GRK3: variants seen among roughly 807,000 people sequenced by gnomAD.
GRK3 encodes G protein-coupled receptor kinase 3, also known as adrenergic, beta, receptor kinase 2.
A neutral mutation model predicts 95.7 loss-of-function variants in GRK3; 54 were observed. That is an observed-to-expected ratio of 0.56 (90% CI 0.45 to 0.71). The LOEUF is 0.71. Ranked by LOEUF, GRK3 falls within the 30% of genes least tolerant of loss-of-function variation. The probability of loss-of-function intolerance (pLI) is 0.00; values close to 1 mark genes in which losing one functional copy is unlikely to be tolerated. For missense variants in GRK3, 649 were observed against 851.2 expected (o/e 0.76, Z 2.96); for synonymous variants, 281 against 290.8 (o/e 0.97, Z 0.34).
intron 5 of GRK3, among the ~76,000 whole-genome samples, chr22:25,665,146 T>A (rs2084933628): frequency 2.0e-5 from 3 of 152,096 alleles, no homozygotes; most frequent in African/African-American, 4.8e-5. Context: ...GAAAGGGAGG[T>A]CTTGATTCAG....
At chr22:25,606,740 TGTGTG>T (rs2084452088) in intron 2 of GRK3, among the ~76,000 whole-genome samples, 1 of 152,168 alleles carries the variant, frequency 6.6e-6, no homozygotes, top group South Asian at 2.1e-4. Context: ...TGCCCTCCAA[TGTGTG>T]CTGTAGGCAA....
At chr22:25,621,899 G>A (rs1416987138) in intron 2 of GRK3, among the ~76,000 whole-genome samples, 1 of 152,122 alleles carries the variant, frequency 6.6e-6, no homozygotes. Flanking sequence ...ACAAGGTATG[G>A]GGCCAGTTCT....
intron 2 of GRK3, among the ~76,000 whole-genome samples, chr22:25,616,354 C>T (rs2084538262): frequency 2.6e-5 from 4 of 151,892 alleles, no homozygotes; most frequent in Admixed American, 1.3e-4. Flanking sequence ...GATGCAAGCA[C>T]CTTCTTCACA....
intron 3 of GRK3, among the ~76,000 whole-genome samples, chr22:25,652,608 T>C (rs2084840393): frequency 1.3e-5 from 2 of 152,182 alleles, no homozygotes; most frequent in Non-Finnish European, 2.9e-5. Context: ...AATTTTAGTA[T>C]AAGTAATAAT....
chr22:25,616,569 C>A (rs1373106193), intron 2 of GRK3, among the ~76,000 whole-genome samples: 1 of 152,132 alleles, frequency 6.6e-6, no homozygotes, highest in Admixed American at 6.5e-5. Flanking sequence ...GGGATTTGGG[C>A]ATGGACATAC....
chr22:25,648,549 G>A lies in GRK3; in HGVS notation c.264+3884G>A, dbSNP rs192166764. ...AAAACCAGGTACAATGATGCCAGAA[G>A]CTTTTCTTCAAGAAGCTCAGGTAAT... On this transcript the variant is annotated intron_variant, in intron 3 of 20. Transcript: ENST00000324198. 92 of 1,442,636 alleles carry A rather than the reference G, an allele frequency of 6.4e-5. 1 individual carries two copies. In the East Asian group the frequency reaches 2.1e-3, roughly 32 times the overall value. 89.4% of individuals were successfully genotyped at this position (1,442,636 alleles called of 1,614,324 possible). A position where few individuals can be genotyped will look rare whatever the true frequency, so the allele number is the denominator to read the frequency against.
chr22:25,698,083 A>G (rs2085224429), intron 13 of GRK3, among the ~76,000 whole-genome samples: 1 of 142,170 alleles, frequency 7.0e-6, no homozygotes, highest in South Asian at 2.6e-4. Flanking sequence ...AGAGGGAGGG[A>G]GGAAGGGAGG....
chr22:25,594,391 C>G (rs2084357295), intron 1 of GRK3, among the ~76,000 whole-genome samples: 1 of 152,074 alleles, frequency 6.6e-6, no homozygotes, highest in East Asian at 1.9e-4. Flanking sequence ...CTGGCAAAGA[C>G]ACAGTGAAAA....
intron 4 of GRK3, among the ~76,000 whole-genome samples, chr22:25,663,370 C>T (rs1427411113): frequency 6.6e-6 from 1 of 152,094 alleles, no homozygotes; most frequent in Non-Finnish European, 1.5e-5. Context: ...GATCTTGAAC[C>T]CTTCTGGAAT....
intron 1 of GRK3, among the ~76,000 whole-genome samples, chr22:25,589,227 T>C (rs1443361568): frequency 1.3e-5 from 2 of 152,236 alleles, no homozygotes; most frequent in Admixed American, 1.3e-4. Flanking sequence ...TAATTAAACC[T>C]CAGATAGAAT....
intron 1 of GRK3, among the ~76,000 whole-genome samples, chr22:25,571,304 CTCTGGAAG>C (rs1310103744): frequency 6.6e-6 from 1 of 152,166 alleles, no homozygotes; most frequent in Non-Finnish European, 1.5e-5. Flanking sequence ...GCTATGGGAC[CTCTGGAAG>C]TCACTTAAAT....
chr22:25,607,281 C>T (rs569161192), intron 2 of GRK3, among the ~76,000 whole-genome samples: 27 of 152,034 alleles, frequency 1.8e-4, no homozygotes, highest in African/African-American at 3.4e-4. Context: ...TTATCCCAAA[C>T]GTGAAATTTA....
chr22:25,695,446 C>A (rs1837543617), intron 13 of GRK3, among the ~76,000 whole-genome samples: 1 of 152,144 alleles, frequency 6.6e-6, no homozygotes, highest in South Asian at 2.1e-4. Context: ...ATGTAGGAAT[C>A]AGAATTCTTT....
At chr22:25,624,064 G>T (rs2084608182) in intron 2 of GRK3, among the ~76,000 whole-genome samples, 2 of 152,150 alleles carry the variant, frequency 1.3e-5, no homozygotes, top group African/African-American at 4.8e-5. Flanking sequence ...CCCCACTGCA[G>T]GGTGCAGTCA....
At chr22:25,664,099 TA>T (rs1186084271) in intron 5 of GRK3, among the ~76,000 whole-genome samples, 1 of 152,340 alleles carries the variant, frequency 6.6e-6, no homozygotes, top group African/African-American at 2.4e-5. Context: ...CTAGGGGAAA[TA>T]CAATTTATTT....
At chr22:25,641,750 AG>A (rs68016610) in intron 2 of GRK3, among the ~76,000 whole-genome samples, 9,563 of 152,238 alleles carry the variant, frequency 0.063, 392 homozygotes, top group Non-Finnish European at 0.095. Context: ...AACCCTGAGA[AG>A]GGAATGAGCT....
intron 1 of GRK3, among the ~76,000 whole-genome samples, chr22:25,567,564 C>T (rs902242534): frequency 4.6e-5 from 7 of 152,266 alleles, no homozygotes; most frequent in Non-Finnish European, 8.8e-5. Context: ...AAAAGGGATA[C>T]GGGTCAAATG....
intron 17 of GRK3, among the ~76,000 whole-genome samples, chr22:25,714,057 T>C (rs557542137): frequency 4.6e-5 from 7 of 152,356 alleles, no homozygotes; most frequent in South Asian, 2.1e-4. Context: ...CTTACCATAA[T>C]TGAAATTTTA....
chr22:25,608,730 T>C (rs1314207441), intron 2 of GRK3, among the ~76,000 whole-genome samples: 124 of 152,162 alleles, frequency 8.1e-4, no homozygotes, highest in Middle Eastern at 3.4e-3. Flanking sequence ...GATTCCTACT[T>C]GGAGCCTGTA....
Sources: allele counts gnomAD v4.1 joint callset (sites outside exome capture counted in the v4.1 genomes callset), GRCh38; gene constraint gnomAD v4.1.1; transcripts MANE v1.5; gene names NCBI Gene and HGNC (gene_info 2026-07-23, HGNC 2026-07-21).